Variants in FLT4 observed in about 807,000 individuals in gnomAD.
FLT4 encodes the protein fms related receptor tyrosine kinase 4.
FLT4 carries 30 observed loss-of-function variants against 163.2 expected under a neutral mutation model. That is an observed-to-expected ratio of 0.18 (90% CI 0.14 to 0.25). The LOEUF (loss-of-function observed/expected upper bound fraction) is 0.25, where lower values mean the gene tolerates loss of function less well. Ranked by LOEUF, FLT4 falls within the 10% of genes least tolerant of loss-of-function variation. FLT4 has a pLI of 1.00. For synonymous variants in FLT4, 884 were observed against 789.5 expected (o/e 1.12, Z -2.01); for missense variants, 1,510 against 1,863.8 (o/e 0.81, Z 3.50).
chr5:180,602,432 T>G lies in FLT4; in HGVS notation c.*760A>C, dbSNP rs1761562432. The G allele has an allele frequency of 7.7e-6, 3 of 388,782 alleles. No homozygotes were observed. The highest frequency in any genetic ancestry group is 7.3e-5 in the East Asian group (2 of 27,448). The allele number at this position is 388,782 out of a possible 1,614,324, so 24.1% of individuals were successfully genotyped here. ...GAGTCATCTAGACTCAGTACAGCTGTCCCTGGGCGCCTTCCAGGCTGAATT... is the reference window on the plus strand; with the variant it reads ...GAGTCATCTAGACTCAGTACAGCTGGCCCTGGGCGCCTTCCAGGCTGAATT... On this transcript the variant is annotated 3_prime_UTR_variant, in exon 30 of 30. Transcript: ENST00000261937.
chr5:180,621,386 G>C (rs1763131058), intron 13 of FLT4, 134 bp from the exon 14 acceptor site: 2 of 1,398,326 alleles, frequency 1.4e-6, no homozygotes, highest in Non-Finnish European at 1.9e-6. Context: ...GGAGCGCGGC[G>C]CGCCTCCGCA....
Position 180,620,114 on chromosome 5 carries a change from G to A in FLT4, c.2542+59C>T, listed in dbSNP as rs1763008797. On this transcript the variant is annotated intron_variant, in intron 17 of 29. Coordinates refer to ENST00000261937, the MANE Select transcript of FLT4 (RefSeq NM_182925.5). The surrounding 1 kb of genome is among the most constrained non-coding windows in gnomAD (Gnocchi z 4.4). The stretch of plus-strand genomic sequence containing the variant: ...AAAATGGAGGGATTCAGGCACTCCG[G>A]CCTGCAGCAGGTGGGTCGGGCAGGA... 1.9e-6 allele frequency: 3 copies of A among 1,573,602 alleles called. No individual in the cohort carries two copies. The highest frequency in any genetic ancestry group is 2.6e-6 in the Non-Finnish European group (3 of 1,161,774).
rs1444878627 is a variant in FLT4, at chr5:180,631,792, C to A, written c.59-14G>T. ...CACTCACCAGGCCTGGGGTGGGAGA[C>A]AGGGTCAGCGTGGTGCTGGGCTGTG... On this transcript the variant is annotated splice_polypyrimidine_tract_variant and intron_variant, in intron 1 of 29. Coordinates refer to ENST00000261937, the MANE Select transcript of FLT4 (RefSeq NM_182925.5). The A allele has an allele frequency of 1.9e-6, 3 of 1,589,360 alleles. No individual in the cohort carries two copies. In the South Asian group the frequency reaches 3.3e-5, roughly 18 times the overall value.
chr5:180,628,423 G>A (rs996958870), intron 8 of FLT4, among the ~76,000 whole-genome samples: 2 of 152,208 alleles, frequency 1.3e-5, no homozygotes, highest in Admixed American at 6.5e-5. Flanking sequence ...GCTCGCTGCC[G>A]TGCAGCACAG....
rs1761542730 is a variant in FLT4 at position 180,602,006 on chromosome 5, G to A, written c.*1186C>T. ...GGTTGGGCACTGTGAGCTGGGATAG[G>A]GGTCCTGAGCAGAATGCCTCCAGCC... On this transcript the variant is annotated 3_prime_UTR_variant, in exon 30 of 30. Transcript: ENST00000261937. The A allele has an allele frequency of 4.3e-6, 1 of 233,424 alleles. No homozygotes were observed. The highest frequency in any genetic ancestry group is 8.5e-6 in the Non-Finnish European group (1 of 118,236). The allele number at this position is 233,424 out of a possible 1,614,324, so 14.5% of individuals were successfully genotyped here.
intron 25 of FLT4, 86 bp from the exon 26 acceptor site, chr5:180,612,697 A>C (rs1287063991): frequency 2.1e-5 from 19 of 895,988 alleles, no homozygotes; most frequent in African/African-American, 4.3e-5. Flanking sequence ...GGGCCCTCTC[A>C]CCCACTCTGC....
chr5:180,603,903 T>TTAAAA, intron 29 of FLT4, among the ~76,000 whole-genome samples: 1 of 142,842 alleles, frequency 7.0e-6, no homozygotes, highest in African/African-American at 2.6e-5. Context: ...GACTCCATCT[T>TTAAAA]AAAAAAAAAA....
chr5:180,610,579 A>C (rs534922827), intron 27 of FLT4, among the ~76,000 whole-genome samples: 15 of 152,332 alleles, frequency 9.8e-5, no homozygotes, highest in Non-Finnish European at 1.8e-4. Context: ...CAGGGATAAG[A>C]GAGCCTGGGC....
At chr5:180,626,087 TGC>T in intron 9 of FLT4, 22 bp downstream of exon 9, 1 of 1,612,676 alleles carries the variant, frequency 6.2e-7, no homozygotes, top group Non-Finnish European at 8.5e-7. Context: ...CGCCCACCCG[TGC>T]GCTCTCCCGT....
chr5:180,620,973 G>A lies in FLT4; in HGVS notation c.2202C>T (p.Ser734=), dbSNP rs781478766. 6.2e-7 allele frequency: 1 copy of A among 1,611,072 alleles called. No homozygotes were observed. The highest frequency in any genetic ancestry group is 8.5e-7 in the Non-Finnish European group (1 of 1,178,864). ...CATCCTCCTCGCGCACGCGCTGGAT[G>A]CTCAGCTTCTGGTTGGAGTCCGCCA... ...VDLADSNQKL[S]IQRVREEDAG... Residue 734 remains serine (S), a synonymous_variant, in exon 15 of 30, where the codon AGC becomes AGT. Coordinates refer to ENST00000261937, the MANE Select transcript of FLT4 (RefSeq NM_182925.5). This position sits in a 1 kb window ranked among gnomAD's most constrained non-coding sequence, Gnocchi z 4.4.
At position 180,620,045 on chromosome 5, in the gene FLT4, C is replaced by A. The variant is rs544645036; in HGVS notation, c.2542+128G>T. On this transcript the variant is annotated intron_variant, in intron 17 of 29. Coordinates refer to ENST00000261937, the MANE Select transcript of FLT4 (RefSeq NM_182925.5). This position sits in a 1 kb window ranked among gnomAD's most constrained non-coding sequence, Gnocchi z 4.4. ...CTGAGGTTCTAGGTACCCACGCCCA[C>A]AGGGACAGGTCAGGCCAGGCGGAAC... 2.1e-5 allele frequency: 26 copies of A among 1,234,504 alleles called. No individual in the cohort carries two copies. Among genetic ancestry groups the A allele is most frequent in the Non-Finnish European group, 2.9e-5 (26 of 881,808 alleles). 76.5% of individuals were successfully genotyped at this position (1,234,504 alleles called of 1,614,324 possible). A position where few individuals can be genotyped will look rare whatever the true frequency, so the allele number is the denominator to read the frequency against.
chr5:180,603,468 T>G, intron 29 of FLT4, 78 bp from the exon 30 acceptor site: 5 of 1,343,132 alleles, frequency 3.7e-6, no homozygotes, highest in Non-Finnish European at 5.3e-6. Context: ...ATCCCAGTAC[T>G]TGGGAGGCCT....
chr5:180,603,150 G>A lies in FLT4; in HGVS notation c.*42C>T, dbSNP rs765039293. ...CCTCCAGCCCTCTGCCCGCCCTGCC[G>A]GGCCTGAACCCCCAAGTGCTGGGGG... On this transcript the variant is annotated 3_prime_UTR_variant, in exon 30 of 30. Transcript: ENST00000261937. The A allele has an allele frequency of 5.2e-5, 83 of 1,602,308 alleles. No individual in the cohort carries two copies. Among genetic ancestry groups the A allele is most frequent in the Non-Finnish European group, 6.6e-5 (77 of 1,170,886 alleles).
rs369292687 is a variant in FLT4 at position 180,633,333 on chromosome 5, C to CA, written c.59-1556dup. Reference sequence around the variant, plus strand: ...TCCAGACCCACTGTACAGACTGGGACACTGAGGCCCTCCAGCCACCCTCAG... The same window carrying CA: ...TCCAGACCCACTGTACAGACTGGGACAACTGAGGCCCTCCAGCCACCCTCAG... On this transcript the variant is annotated intron_variant, in intron 1 of 29. Coordinates refer to ENST00000261937, the MANE Select transcript of FLT4 (RefSeq NM_182925.5). 2.7e-3 allele frequency among the ~76,000 whole-genome samples: 405 copies of CA among 152,346 alleles called. 5 individuals are homozygous for CA. Among genetic ancestry groups the CA allele is most frequent in the African/African-American group, 9.3e-3 (388 of 41,586 alleles).
chr5:180,607,619 A>T (rs13161505), intron 29 of FLT4, among the ~76,000 whole-genome samples: 32,409 of 144,122 alleles, frequency 0.22, 4,114 homozygotes, highest in South Asian at 0.35. Context: ...CTAGCCTGGG[A>T]GACAGAGCGA....
chr5:180,634,274 T>C (rs1299018086), intron 1 of FLT4, among the ~76,000 whole-genome samples: 1 of 152,236 alleles, frequency 6.6e-6, no homozygotes, highest in African/African-American at 2.4e-5. Context: ...AGCCTCCTCC[T>C]CTTCGAGCTT....
intron 1 of FLT4, among the ~76,000 whole-genome samples, 183 bp from the exon 2 acceptor site, chr5:180,631,961 G>A (rs1225776541): frequency 1.3e-5 from 2 of 151,984 alleles, no homozygotes; most frequent in African/African-American, 4.8e-5. Context: ...CAGCTCCCAG[G>A]CGCCAAGACA....
chr5:180,610,126 C>T, intron 27 of FLT4, 101 bp from the exon 28 acceptor site: 2 of 1,564,740 alleles, frequency 1.3e-6, no homozygotes, highest in East Asian at 2.3e-5. Flanking sequence ...GGAAAGGACC[C>T]CCCGCCTGGG....
intron 1 of FLT4, among the ~76,000 whole-genome samples, chr5:180,647,903 C>A (rs1765559354): frequency 6.6e-6 from 1 of 152,136 alleles, no homozygotes; most frequent in African/African-American, 2.4e-5. Flanking sequence ...CACCCGGGAG[C>A]ACCAGGACAC....
Sources: gnomAD v4.1 joint callset for allele counts (sites outside exome capture counted in the v4.1 genomes callset) on GRCh38, gnomAD v4.1.1 for gene constraint, Gnocchi (gnomAD v3.1) non-coding constraint, MANE v1.5 for transcripts, NCBI Gene and HGNC (gene_info 2026-07-23, HGNC 2026-07-21) for gene names.